Variants in CORIN observed in about 807,000 individuals in gnomAD.
CORIN encodes atrial natriuretic peptide-converting enzyme.
CORIN carries 117 observed loss-of-function variants against 125.3 expected under a neutral mutation model. The ratio of observed to expected loss-of-function variants is 0.93; its 90% confidence interval spans 0.80 to 1.09. The LOEUF is 1.09. Ranked by LOEUF, CORIN falls within the 50% of genes least tolerant of loss-of-function variation. The pLI, the probability that CORIN is intolerant of heterozygous loss-of-function variation, is 0.00. For missense variants in CORIN, 1,253 were observed against 1,306.7 expected (o/e 0.96, Z 0.63); for synonymous variants, 450 against 466.4 (o/e 0.96, Z 0.45).
At chr4:47,605,462 C>T (rs1258980881) in intron 19 of CORIN, among the ~76,000 whole-genome samples, 2 of 152,178 alleles carry the variant, frequency 1.3e-5, no homozygotes, top group Non-Finnish European at 2.9e-5. Context: ...CACTCCCAGT[C>T]TCTCCTCCAC....
At chr4:47,762,173 A>T in intron 4 of CORIN, among the ~76,000 whole-genome samples, 1 of 152,098 alleles carries the variant, frequency 6.6e-6, no homozygotes, top group African/African-American at 2.4e-5. Flanking sequence ...ATGGATGTAA[A>T]GTGTTCTCAC....
At chr4:47,604,655 C>A (rs1182994503) in intron 19 of CORIN, among the ~76,000 whole-genome samples, 1 of 152,160 alleles carries the variant, frequency 6.6e-6, no homozygotes, top group Admixed American at 6.5e-5. Flanking sequence ...CTTTGCCAAT[C>A]CTGCTTTCAA....
intron 3 of CORIN, among the ~76,000 whole-genome samples, chr4:47,766,946 CA>C (rs1045606316): frequency 0.047 from 2,994 of 63,194 alleles, 38 homozygotes; most frequent in African/African-American, 0.082. Context: ...GACTCTGTCT[CA>C]AAAAAAAAAA....
At chr4:47,687,203 T>C (rs1236679957) in intron 6 of CORIN, among the ~76,000 whole-genome samples, 1 of 152,234 alleles carries the variant, frequency 6.6e-6, no homozygotes, top group Non-Finnish European at 1.5e-5. Context: ...TCTGTGTGAT[T>C]AGTAAACACG....
At chr4:47,595,937 C>A (rs1227507645) in intron 21 of CORIN, 34 bp from the exon 22 acceptor site, 4 of 1,556,348 alleles carry the variant, frequency 2.6e-6, no homozygotes, top group Non-Finnish European at 3.5e-6. Flanking sequence ...TAGGAACTGG[C>A]ATTTCAGGGC....
intron 6 of CORIN, among the ~76,000 whole-genome samples, chr4:47,685,547 T>A (rs1249317490): frequency 1.3e-5 from 2 of 152,068 alleles, no homozygotes; most frequent in African/African-American, 2.4e-5. Context: ...GGAGATAAAT[T>A]TTGGGGGAGA....
chr4:47,778,254 A>G (rs1435549947), intron 3 of CORIN, among the ~76,000 whole-genome samples: 5 of 152,230 alleles, frequency 3.3e-5, no homozygotes, highest in African/African-American at 1.2e-4. Context: ...TGCTGTATGT[A>G]TTAATATGGC....
In CORIN at chr4:47,788,990, CCAAA is replaced by C. The variant is rs1311470287; in HGVS notation, c.209-2069_209-2066del. ...TTTAATATTTCCTTTATCATTTTAA[CCAAA>C]CAGTGTTTAAAGTGTTCATAACATC... On this transcript the variant is annotated intron_variant, in intron 2 of 21. Coordinates refer to ENST00000273857, the MANE Select transcript of CORIN (RefSeq NM_006587.4). Among the ~76,000 whole-genome samples the C allele has an allele frequency of 8.5e-5, 13 of 152,260 alleles. No individual in the cohort carries two copies. The East Asian group carries it at 2.1e-3, about 25-fold the overall frequency.
Position 47,755,535 on chromosome 4 carries a change from A to G in CORIN, c.617+7844T>C, listed in dbSNP as rs574179079. Among the ~76,000 whole-genome samples, 20 of 152,324 alleles carry G rather than the reference A, an allele frequency of 1.3e-4. 1 individual carries two copies. The South Asian group carries it at 4.1e-3, about 32-fold the overall frequency. ...AAGTCTTTTTAACTGAGTGCATATG[A>G]GTTAATATTAAGAAGAAGCACAGAG... On this transcript the variant is annotated intron_variant, in intron 4 of 21. Coordinates refer to ENST00000273857, the MANE Select transcript of CORIN (RefSeq NM_006587.4).
chr4:47,643,351 G>T, intron 14 of CORIN, 95 bp from the exon 15 acceptor site: 2 of 1,154,110 alleles, frequency 1.7e-6, no homozygotes, highest in Non-Finnish European at 1.2e-6. Context: ...CAGGAGCATG[G>T]AAAGAAGAAA....
chr4:47,824,747 C>G (rs1374623371), intron 1 of CORIN, among the ~76,000 whole-genome samples: 1 of 152,164 alleles, frequency 6.6e-6, no homozygotes, highest in Non-Finnish European at 1.5e-5. Context: ...GTATCCAAGT[C>G]TAGATTTTGA....
intron 1 of CORIN, 42 bp downstream of exon 1, chr4:47,837,845 A>G (rs1473701012): frequency 5.1e-6 from 8 of 1,571,904 alleles, no homozygotes; most frequent in Non-Finnish European, 6.1e-6. Context: ...CTAAGAGGCC[A>G]TCACACCTGG....
intron 2 of CORIN, among the ~76,000 whole-genome samples, chr4:47,797,718 CAAAT>C (rs1412063577): frequency 1.4e-4 from 22 of 151,914 alleles, no homozygotes; most frequent in Non-Finnish European, 7.4e-5. Flanking sequence ...TATTCATAAT[CAAAT>C]AAAACAAATT....
chr4:47,781,273 G>A (rs1465637611), intron 3 of CORIN, among the ~76,000 whole-genome samples: 3 of 152,160 alleles, frequency 2.0e-5, no homozygotes, highest in Admixed American at 6.5e-5. Context: ...AAAGAAGAGA[G>A]TGGGATGACT....
chr4:47,697,502 T>C (rs545855081), intron 5 of CORIN, among the ~76,000 whole-genome samples: 15 of 152,196 alleles, frequency 9.9e-5, no homozygotes, highest in African/African-American at 3.6e-4. Context: ...TCGCCTGAGG[T>C]CAGGGGTTCA....
intron 6 of CORIN, among the ~76,000 whole-genome samples, chr4:47,684,943 A>G (rs1408905751): frequency 1.3e-5 from 2 of 152,058 alleles, no homozygotes; most frequent in African/African-American, 4.8e-5. Flanking sequence ...AAAAAAAATA[A>G]GCTAAGGCAA....
At chr4:47,627,857 GCAA>G (rs1722643377) in intron 16 of CORIN, among the ~76,000 whole-genome samples, 1 of 152,094 alleles carries the variant, frequency 6.6e-6, no homozygotes, top group Non-Finnish European at 1.5e-5. Context: ...TATTCATAGG[GCAA>G]CAAGATACTT....
At chr4:47,720,378 C>A (rs1219763332) in intron 5 of CORIN, among the ~76,000 whole-genome samples, 1 of 152,142 alleles carries the variant, frequency 6.6e-6, no homozygotes, top group African/African-American at 2.4e-5. Flanking sequence ...CTCTAAATTT[C>A]TTTTTCTCCA....
intron 5 of CORIN, among the ~76,000 whole-genome samples, chr4:47,719,010 C>A (rs1727230785): frequency 6.6e-6 from 1 of 152,116 alleles, no homozygotes; most frequent in African/African-American, 2.4e-5. Flanking sequence ...TCATTCACTC[C>A]TTTGATTTTA....
Sources: gnomAD v4.1 joint callset for allele counts (sites outside exome capture counted in the v4.1 genomes callset) on GRCh38, gnomAD v4.1.1 for gene constraint, MANE v1.5 for transcripts, NCBI Gene and HGNC (gene_info 2026-07-23, HGNC 2026-07-21) for gene names.